Variants in NSUN6 observed in about 807,000 individuals in gnomAD.
NSUN6 encodes NOP2/Sun RNA methyltransferase 6.
Under a neutral mutation model 58.0 loss-of-function variants are expected in NSUN6, and 64 were observed. The ratio of observed to expected loss-of-function variants is 1.10; its 90% CI spans 0.90 to 1.36. NSUN6 has a LOEUF of 1.36. Ranked by LOEUF, NSUN6 falls within the 40% of genes most tolerant of loss-of-function variation. The probability of loss-of-function intolerance (pLI) is 0.00; values close to 1 mark genes in which losing one functional copy is unlikely to be tolerated. For missense variants in NSUN6, 701 were observed against 550.1 expected (o/e 1.27, Z -2.74); for synonymous variants, 231 against 193.9 (o/e 1.19, Z -1.59).
intron 3 of NSUN6, among the ~76,000 whole-genome samples, chr10:18,626,704 T>A (rs775340292): frequency 6.6e-6 from 1 of 151,928 alleles, no homozygotes; most frequent in African/African-American, 2.4e-5. Context: ...GAGGTGGAGG[T>A]TGCAGTGAGC....
intron 8 of NSUN6, among the ~76,000 whole-genome samples, chr10:18,574,478 T>G (rs2056552851): frequency 6.6e-6 from 1 of 152,120 alleles, no homozygotes; most frequent in Non-Finnish European, 1.5e-5. Flanking sequence ...TACAAAGGTT[T>G]GACCAGACCT....
In NSUN6 at chr10:18,611,730, G is replaced by A. The variant is rs927231894; in HGVS notation, c.576-1804C>T. 4.0e-4 allele frequency among the ~76,000 whole-genome samples: 38 copies of A among 96,008 alleles called. 1 individual carries two copies. In the South Asian group the frequency reaches 0.015, roughly 38 times the overall value. 63.0% of individuals were successfully genotyped at this position (96,008 alleles called of 152,430 possible). A position where few individuals can be genotyped will look rare whatever the true frequency, so the allele number is the denominator to read the frequency against. On this transcript the variant is annotated intron_variant, in intron 5 of 10. Coordinates refer to ENST00000377304, the MANE Select transcript of NSUN6 (RefSeq NM_182543.5). Reference sequence around the variant, plus strand: ...TGGACAGAGTCTCACTATGGTGTGTGTGTGTGTGTGTGTGTGTGTCTGTGT... The same window carrying A: ...TGGACAGAGTCTCACTATGGTGTGTATGTGTGTGTGTGTGTGTGTCTGTGT...
intron 7 of NSUN6, among the ~76,000 whole-genome samples, chr10:18,586,896 A>AT (rs2057173853): frequency 6.6e-6 from 1 of 152,106 alleles, no homozygotes; most frequent in Non-Finnish European, 1.5e-5. Context: ...TGATTGGTGC[A>AT]TTTACAATCC....
chr10:18,647,358 CCAGT>C (rs1218442365), intron 2 of NSUN6, among the ~76,000 whole-genome samples: 2 of 152,144 alleles, frequency 1.3e-5, no homozygotes, highest in Non-Finnish European at 2.9e-5. Flanking sequence ...TTACATGTTA[CCAGT>C]CAGTGAATAA....
chr10:18,626,130 G>T (rs1204864967), intron 3 of NSUN6, among the ~76,000 whole-genome samples: 1 of 151,812 alleles, frequency 6.6e-6, no homozygotes, highest in Non-Finnish European at 1.5e-5. Context: ...CATTAATAAA[G>T]ATAAGAAATG....
At chr10:18,646,063 C>A (rs1000051482) in intron 2 of NSUN6, among the ~76,000 whole-genome samples, 1 of 151,896 alleles carries the variant, frequency 6.6e-6, no homozygotes, top group Non-Finnish European at 1.5e-5. Flanking sequence ...AGCATTGTGG[C>A]GAGTGCATAT....
At chr10:18,571,845 C>A (rs543287433) in intron 8 of NSUN6, among the ~76,000 whole-genome samples, 1 of 150,434 alleles carries the variant, frequency 6.6e-6, no homozygotes, top group Non-Finnish European at 1.5e-5. Context: ...TTATTCACCA[C>A]GGCATTCCAT....
At chr10:18,622,762 T>C (rs1477498695) in intron 3 of NSUN6, among the ~76,000 whole-genome samples, 4 of 152,222 alleles carry the variant, frequency 2.6e-5, no homozygotes, top group African/African-American at 9.7e-5. Flanking sequence ...AAATCCAGTC[T>C]CATTTGGATT....
At chr10:18,583,217 G>C (rs2056983124) in intron 8 of NSUN6, among the ~76,000 whole-genome samples, 1 of 152,152 alleles carries the variant, frequency 6.6e-6, no homozygotes, top group Admixed American at 6.5e-5. Context: ...CACGCATCTT[G>C]TAACCCCCTC....
chr10:18,650,683 G>A (rs1564853087), intron 1 of NSUN6, among the ~76,000 whole-genome samples: 2 of 152,004 alleles, frequency 1.3e-5, no homozygotes, highest in Non-Finnish European at 2.9e-5. Flanking sequence ...ATTAAAAGAG[G>A]AAAAACCTCT....
intron 7 of NSUN6, among the ~76,000 whole-genome samples, chr10:18,595,571 G>C (rs1471704954): frequency 3.3e-5 from 5 of 152,106 alleles, no homozygotes; most frequent in Non-Finnish European, 5.9e-5. Flanking sequence ...TCCTTCAAGA[G>C]TTTTTGTTAC....
At chr10:18,555,888 G>GAGAAT (rs1293716007) in intron 8 of NSUN6, among the ~76,000 whole-genome samples, 1 of 142,780 alleles carries the variant, frequency 7.0e-6, no homozygotes, top group East Asian at 2.3e-4. Context: ...AACTGGAATG[G>GAGAAT]AGAATAGAAT....
intron 8 of NSUN6, among the ~76,000 whole-genome samples, chr10:18,559,537 G>A (rs1267305148): frequency 6.7e-6 from 1 of 149,980 alleles, no homozygotes; most frequent in Admixed American, 6.7e-5. Flanking sequence ...ACAGAATGGA[G>A]AGTGGAGAAT....
chr10:18,610,304 C>T (rs1028084667), intron 5 of NSUN6, among the ~76,000 whole-genome samples: 1 of 151,960 alleles, frequency 6.6e-6, no homozygotes, highest in Non-Finnish European at 1.5e-5. Flanking sequence ...GCCAAGATCG[C>T]GCCATTGCAC....
intron 8 of NSUN6, among the ~76,000 whole-genome samples, chr10:18,553,120 G>C (rs766565670): frequency 1.4e-5 from 2 of 138,002 alleles, no homozygotes; most frequent in Non-Finnish European, 3.1e-5. Flanking sequence ...CATTCCGTTC[G>C]ATTCTCCATT....
intron 6 of NSUN6, among the ~76,000 whole-genome samples, chr10:18,598,421 A>G (rs1246910678): frequency 6.6e-6 from 1 of 152,186 alleles, no homozygotes; most frequent in Non-Finnish European, 1.5e-5. Flanking sequence ...TTAACCTACT[A>G]TAGTTTATCC....
intron 9 of NSUN6, 41 bp from the exon 10 acceptor site, chr10:18,548,278 A>G (rs763232326): frequency 7.8e-6 from 12 of 1,546,188 alleles, no homozygotes; most frequent in Non-Finnish European, 9.7e-6. Context: ...GCACAAGACC[A>G]GATAAACATA....
At chr10:18,591,527 T>A (rs1357118669) in intron 7 of NSUN6, among the ~76,000 whole-genome samples, 1 of 152,076 alleles carries the variant, frequency 6.6e-6, no homozygotes, top group Non-Finnish European at 1.5e-5. Context: ...TCCACCACAA[T>A]CAAGTCAGCT....
intron 3 of NSUN6, among the ~76,000 whole-genome samples, chr10:18,619,664 A>G (rs935797236): frequency 1.3e-5 from 2 of 152,206 alleles, no homozygotes; most frequent in African/African-American, 4.8e-5. Flanking sequence ...TAGCAAAAAC[A>G]TCTTCATGTT....
Sources: gnomAD v4.1 joint callset for allele counts (sites outside exome capture counted in the v4.1 genomes callset) on GRCh38, gnomAD v4.1.1 for gene constraint, MANE v1.5 for transcripts, NCBI Gene and HGNC (gene_info 2026-07-23, HGNC 2026-07-21) for gene names.